LRP11: variants seen among roughly 807,000 people sequenced by gnomAD.
LRP11 encodes LDL receptor related protein 11, also known as low-density lipoprotein receptor-related protein 11.
In LRP11, 25 loss-of-function variants were observed where a neutral mutation model predicts 43.1. The ratio of observed to expected loss-of-function variants is 0.58; its 90% CI spans 0.42 to 0.81. LRP11 has a LOEUF of 0.81. Among genes scored for constraint, LRP11 ranks in the 30% least tolerant of loss-of-function variants. LRP11 has a pLI of 0.00. For synonymous variants in LRP11, 316 were observed against 299.4 expected (o/e 1.06, Z -0.57); for missense variants, 623 against 665.1 (o/e 0.94, Z 0.70).
At chr6:149,860,752 C>T (rs561673386) in intron 1 of LRP11, among the ~76,000 whole-genome samples, 1 of 152,200 alleles carries the variant, frequency 6.6e-6, no homozygotes, top group Non-Finnish European at 1.5e-5. Context: ...TCCCGCCTTC[C>T]CTACCTCTAC....
In LRP11 at chr6:149,861,246, T is replaced by TG. The variant is rs541914368; in HGVS notation, c.613+2161dup. 1.8e-4 allele frequency among the ~76,000 whole-genome samples: 28 copies of TG among 152,246 alleles called. No homozygotes were observed. In the South Asian group the frequency reaches 4.6e-3, roughly 25 times the overall value. On this transcript the variant is annotated intron_variant, in intron 1 of 6. Transcript: ENST00000239367. ...TCTGAGCAGGGGACACACAGGACACTGGGGAACAATTTTTGACCTCCACGC... is the reference window on the plus strand; with the variant it reads ...TCTGAGCAGGGGACACACAGGACACTGGGGGAACAATTTTTGACCTCCACGC...
chr6:149,832,348 C>CG (rs1417229808), intron 5 of LRP11, among the ~76,000 whole-genome samples: 1 of 151,168 alleles, frequency 6.6e-6, no homozygotes, highest in Non-Finnish European at 1.5e-5. Flanking sequence ...CCTGACACTA[C>CG]GCCCAGCTAA....
chr6:149,859,751 C>G (rs901941114), intron 1 of LRP11, among the ~76,000 whole-genome samples: 1 of 151,990 alleles, frequency 6.6e-6, no homozygotes, highest in Admixed American at 6.6e-5. Context: ...GTTTGCAATT[C>G]CTTTTGTTTC....
At chr6:149,851,438 G>A (rs1776717655) in intron 2 of LRP11, among the ~76,000 whole-genome samples, 1 of 152,208 alleles carries the variant, frequency 6.6e-6, no homozygotes, top group African/African-American at 2.4e-5. Context: ...TTCATATGAG[G>A]AACATCTGAC....
At chr6:149,852,788 G>A (rs1395197755) in intron 2 of LRP11, among the ~76,000 whole-genome samples, 1 of 152,040 alleles carries the variant, frequency 6.6e-6, no homozygotes, top group African/African-American at 2.4e-5. Context: ...TAGAAGGAGG[G>A]TAGGCTCCAA....
Position 149,836,127 on chromosome 6 carries a change from C to T in LRP11, c.1210G>A (p.Ala404Thr), listed in dbSNP as rs201479729. The T allele has an allele frequency of 2.8e-5, 46 of 1,614,068 alleles. No individual in the cohort carries two copies. The East Asian group carries it at 3.3e-4, about 12-fold the overall frequency. The change falls in exon 5 of 7, where the codon GCC becomes ACC. Residue 404 changes from alanine to threonine, a missense_variant. By Grantham distance (58) the Ala-to-Thr change is moderately conservative. Transcript: ENST00000239367. ...LSNTEKRNHS[A>T]FWGPESQIIP... ...ATTTGACTCTCTGGTCCCCAAAAGG[C>T]GGAATGATTCCTCTTCTCTGTGTTT...
chr6:149,834,646 A>C (rs1776449486), intron 5 of LRP11, among the ~76,000 whole-genome samples: 1 of 152,204 alleles, frequency 6.6e-6, no homozygotes. Context: ...AACTATCTTA[A>C]GCAGAGAAAA....
chr6:149,863,028 G>A (rs1261248520), intron 1 of LRP11, among the ~76,000 whole-genome samples: 1 of 152,152 alleles, frequency 6.6e-6, no homozygotes, highest in Non-Finnish European at 1.5e-5. Context: ...TGGGTGTTAC[G>A]AGAAGCCCGG....
intron 5 of LRP11, among the ~76,000 whole-genome samples, chr6:149,828,125 AG>A (rs1322163489): frequency 1.3e-5 from 2 of 151,908 alleles, no homozygotes; most frequent in Admixed American, 1.3e-4. Context: ...TGGGAGGCGG[AG>A]GGTGCAGTGA....
intron 1 of LRP11, among the ~76,000 whole-genome samples, chr6:149,859,396 A>ATATATATATATATATATATAT: frequency 7.0e-5 from 5 of 71,496 alleles, no homozygotes; most frequent in East Asian, 8.8e-4. Context: ...ATATATATAT[A>ATATATATATATATATATATAT]TTTTTTTTTT....
At chr6:149,857,665 C>T (rs1037953239) in intron 1 of LRP11, among the ~76,000 whole-genome samples, 11 of 152,140 alleles carry the variant, frequency 7.2e-5, no homozygotes, top group African/African-American at 2.4e-4. Context: ...AACCTAAGTT[C>T]AGTGCTTGAG....
In LRP11 at chr6:149,851,746, T is replaced by C. The variant is rs1776722306; in HGVS notation, c.771+1257A>G. Among the ~76,000 whole-genome samples the C allele has an allele frequency of 2.6e-5, 4 of 152,168 alleles. No individual in the cohort carries two copies. In the South Asian group the frequency reaches 8.3e-4, roughly 31 times the overall value. ...GAAGGGGTGTTGTGGAAGGCACTCT[T>C]GTTTGGAGGAGAGGCTGGGAAGGAT... On this transcript the variant is annotated intron_variant, in intron 2 of 6. Coordinates refer to ENST00000239367, the MANE Select transcript of LRP11 (RefSeq NM_032832.6).
intron 3 of LRP11, among the ~76,000 whole-genome samples, chr6:149,838,633 C>A (rs1776503962): frequency 6.8e-6 from 1 of 147,544 alleles, no homozygotes; most frequent in Non-Finnish European, 1.5e-5. Context: ...TGCAGTGAGC[C>A]AAGATTGTGA....
chr6:149,837,613 T>TG, intron 3 of LRP11, 150 bp from the exon 4 acceptor site: 2 of 789,012 alleles, frequency 2.5e-6, no homozygotes, highest in South Asian at 1.8e-5. Flanking sequence ...AGCAACAGGT[T>TG]CTGGAGAGGT....
intron 1 of LRP11, among the ~76,000 whole-genome samples, chr6:149,857,870 G>A (rs140460037): frequency 2.6e-5 from 4 of 152,174 alleles, no homozygotes; most frequent in East Asian, 3.9e-4. Context: ...CCCATTGGGC[G>A]GTTACAATTT....
At chr6:149,855,516 C>T (rs922822573) in intron 1 of LRP11, among the ~76,000 whole-genome samples, 3 of 152,134 alleles carry the variant, frequency 2.0e-5, no homozygotes, top group African/African-American at 7.2e-5. Context: ...ATCTTCCTGT[C>T]ACCAGTTGCA....
chr6:149,833,874 C>T (rs1458405399), intron 5 of LRP11, among the ~76,000 whole-genome samples: 1 of 152,032 alleles, frequency 6.6e-6, no homozygotes, highest in African/African-American at 2.4e-5. Flanking sequence ...TTTTTTTTCC[C>T]TCCAACTTCT....
At chr6:149,823,744 G>A (rs1207043258) in intron 6 of LRP11, among the ~76,000 whole-genome samples, 2 of 152,132 alleles carry the variant, frequency 1.3e-5, no homozygotes, top group Non-Finnish European at 2.9e-5. Flanking sequence ...AGGAGGGGAT[G>A]GGAAAGCTGC....
At chr6:149,851,593 C>A (rs1776720140) in intron 2 of LRP11, among the ~76,000 whole-genome samples, 1 of 152,178 alleles carries the variant, frequency 6.6e-6, no homozygotes, top group Non-Finnish European at 1.5e-5. Context: ...AGACCCAACA[C>A]CAATGCACAG....
Sources: gnomAD v4.1 joint callset for allele counts (sites outside exome capture counted in the v4.1 genomes callset) on GRCh38, gnomAD v4.1.1 for gene constraint, MANE v1.5 for transcripts, NCBI Gene and HGNC (gene_info 2026-07-23, HGNC 2026-07-21) for gene names.